The following AEBP2 variants were observed in gnomAD, a reference collection of about 807,000 sequenced individuals.
AEBP2 encodes the protein zinc finger protein AEBP2.
A neutral mutation model predicts 50.8 loss-of-function variants in AEBP2; 10 were observed. That is an observed-to-expected ratio of 0.20 (90% CI 0.12 to 0.33). The LOEUF (loss-of-function observed/expected upper bound fraction) is 0.33. Among genes scored for constraint, AEBP2 ranks in the 10% least tolerant of loss-of-function variants. The pLI is 1.00. For synonymous variants in AEBP2, 296 were observed against 261.3 expected, an observed-to-expected ratio of 1.13 and a Z score of -1.28; for missense variants, 570 against 688.0, an observed-to-expected ratio of 0.83 and a Z score of 1.92.
chr12:19,494,023 G>T lies in AEBP2; in HGVS notation c.1174+37G>T, dbSNP rs1418492910. The T allele has an allele frequency of 2.9e-6, 3 of 1,039,044 alleles. No homozygotes were observed. In the East Asian group the frequency reaches 8.0e-5, roughly 28 times the overall value. The allele number at this position is 1,039,044 out of a possible 1,614,324, so 64.4% of individuals were successfully genotyped here. ...ACTGAGAAAATCTGGTGTATTTCAT[G>T]GTTTTAAAAGATATCTTAGACTTTT... On this transcript the variant is annotated intron_variant, in intron 4 of 7. Transcript: ENST00000266508.
intron 1 of AEBP2, among the ~76,000 whole-genome samples, chr12:19,409,212 C>G (rs58515106): frequency 6.6e-6 from 1 of 152,070 alleles, no homozygotes; most frequent in Non-Finnish European, 1.5e-5. Flanking sequence ...AATCTACTTG[C>G]GTTAGTGTTG....
At chr12:19,415,316 CAAAAAAAAAAAAAAAAAA>C (rs869125193) in intron 1 of AEBP2, among the ~76,000 whole-genome samples, 39 of 59,524 alleles carry the variant, frequency 6.6e-4, no homozygotes, top group Middle Eastern at 0.016. Flanking sequence ...GACCCTGTCT[CAAAAAAAAAAAAAAAAAA>C]AAAAAAAAAA....
At chr12:19,409,285 TA>T (rs1435800773) in intron 1 of AEBP2, among the ~76,000 whole-genome samples, 1 of 151,858 alleles carries the variant, frequency 6.6e-6, no homozygotes, top group Admixed American at 6.6e-5. Flanking sequence ...ATATTAGGCA[TA>T]ACTATTCCCT....
chr12:19,447,580 G>T (rs796560598), intron 1 of AEBP2, among the ~76,000 whole-genome samples: 22 of 152,346 alleles, frequency 1.4e-4, no homozygotes, highest in African/African-American at 5.3e-4. Flanking sequence ...GAGCATGGAC[G>T]TAATCTAACT....
chr12:19,494,706 G>A (rs1193128974), intron 4 of AEBP2, among the ~76,000 whole-genome samples: 2 of 151,620 alleles, frequency 1.3e-5, no homozygotes, highest in East Asian at 3.9e-4. Context: ...GAATGTAATG[G>A]GTGTCATAGT....
At chr12:19,500,579 A>G (rs1949053576) in intron 5 of AEBP2, among the ~76,000 whole-genome samples, 1 of 152,022 alleles carries the variant, frequency 6.6e-6, no homozygotes, top group Non-Finnish European at 1.5e-5. Flanking sequence ...GACTCCTTTT[A>G]CCTCTAAAAA....
At chr12:19,435,113 T>G (rs776156898), upstream of AEBP2, among the ~76,000 whole-genome samples, 4 of 151,804 alleles carry the variant, frequency 2.6e-5, no homozygotes, top group Non-Finnish European at 5.9e-5. Flanking sequence ...TAAAATATCT[T>G]AGTACATACC....
At chr12:19,468,339 A>C (rs953572006) in intron 2 of AEBP2, among the ~76,000 whole-genome samples, 13 of 152,038 alleles carry the variant, frequency 8.6e-5, no homozygotes, top group Non-Finnish European at 1.9e-4. Context: ...CTTTTTGTGT[A>C]ATTTTACTGA....
At chr12:19,486,988 C>G (rs1473987554) in intron 3 of AEBP2, among the ~76,000 whole-genome samples, 3 of 152,084 alleles carry the variant, frequency 2.0e-5, no homozygotes, top group African/African-American at 7.2e-5. Context: ...GTAGTGGTAT[C>G]TCACTGTCGC....
intron 6 of AEBP2, among the ~76,000 whole-genome samples, chr12:19,514,191 G>A (rs1474235881): frequency 6.6e-6 from 1 of 151,770 alleles, no homozygotes; most frequent in East Asian, 1.9e-4. Context: ...GTACAGATGG[G>A]GTTTCACCAT....
intron 1 of AEBP2, among the ~76,000 whole-genome samples, chr12:19,458,547 C>G (rs914673114): frequency 2.6e-5 from 4 of 152,132 alleles, no homozygotes; most frequent in African/African-American, 7.2e-5. Flanking sequence ...AGTATTGTTT[C>G]AAGTGTGTGA....
chr12:19,417,283 C>A (rs925323766), intron 1 of AEBP2, among the ~76,000 whole-genome samples: 3 of 152,178 alleles, frequency 2.0e-5, no homozygotes, highest in Non-Finnish European at 4.4e-5. Context: ...CGCCGTACAA[C>A]TTTCTTTTCT....
At chr12:19,504,222 T>C (rs1359195967) in intron 5 of AEBP2, among the ~76,000 whole-genome samples, 1 of 151,162 alleles carries the variant, frequency 6.6e-6, no homozygotes, top group Non-Finnish European at 1.5e-5. Flanking sequence ...TCTTTCCTAT[T>C]GTGATCTAGT....
At position 19,439,680 on chromosome 12, in the gene AEBP2, G is replaced by A; in HGVS notation, c.-20G>A. On this transcript the variant is annotated 5_prime_UTR_variant, in exon 1 of 8. Transcript: ENST00000266508. ...AGGCGGCGGTGGGGAGGAGGAGGAG[G>A]AGGAGGAGCAGGCGCCGCCATGGCC... The A allele has an allele frequency of 1.3e-6, 2 of 1,517,548 alleles. No individual in the cohort carries two copies. 94.0% of individuals were successfully genotyped at this position (1,517,548 alleles called of 1,614,324 possible).
In AEBP2 at chr12:19,440,022, A is replaced by C. The variant is rs942067892; in HGVS notation, c.323A>C (p.Asp108Ala). The stretch of plus-strand genomic sequence containing the variant: ...GAGGAGGACGACGAGGAGGAGGAAG[A>C]TGAGAGCAGCAGCAGCGGCGGGGGT... ...DEEEDDEEEE[D>A]ESSSSGGGEE... The change falls in exon 1 of 8, where the codon GAT becomes GCT. Residue 108 changes from aspartate to alanine, a missense_variant. Around this residue, in one of 2 missense-constraint regions of AEBP2, gnomAD observed 386 missense variants for 336.8 expected, o/e 1.15. Coordinates refer to ENST00000266508, the MANE Select transcript of AEBP2 (RefSeq NM_153207.5). 2 of 1,525,108 alleles carry C rather than the reference A, an allele frequency of 1.3e-6. No homozygotes were observed. Among genetic ancestry groups the C allele is most frequent in the African/African-American group, 2.8e-5 (2 of 70,320 alleles). 94.5% of individuals were successfully genotyped at this position (1,525,108 alleles called of 1,614,324 possible). A position where few individuals can be genotyped will look rare whatever the true frequency, so the allele number is the denominator to read the frequency against.
chr12:19,497,328 G>GTTTTTTTTTTTTTTTT lies in AEBP2; in HGVS notation c.1175-2760_1175-2745dup, dbSNP rs34011915. Among the ~76,000 whole-genome samples, 3 of 78,710 alleles carry GTTTTTTTTTTTTTTTT rather than the reference G, an allele frequency of 3.8e-5. 1 individual carries two copies. The highest frequency in any genetic ancestry group is 1.5e-4 in the African/African-American group (3 of 19,462). The allele number at this position is 78,710 out of a possible 152,430, so 51.6% of individuals were successfully genotyped here. On this transcript the variant is annotated intron_variant, in intron 4 of 7. Coordinates refer to ENST00000266508, the MANE Select transcript of AEBP2 (RefSeq NM_153207.5). Reference sequence around the variant, plus strand: ...TTCTATTTTTGTGGTTTCCAAAGGTGTTTTTTTTTTTTTTTTTTTTTTTTG... The same window carrying GTTTTTTTTTTTTTTTT: ...TTCTATTTTTGTGGTTTCCAAAGGTGTTTTTTTTTTTTTTTTTTTTTTTTTTTTTTTTTTTTTTTTG...
intron 1 of AEBP2, among the ~76,000 whole-genome samples, chr12:19,449,030 G>T (rs1049536314): frequency 1.3e-5 from 2 of 152,026 alleles, no homozygotes; most frequent in African/African-American, 4.8e-5. Flanking sequence ...AGATGAATTG[G>T]CAATAGATTT....
intron 1 of AEBP2, among the ~76,000 whole-genome samples, chr12:19,451,562 T>G (rs868572839): frequency 1.2e-4 from 18 of 152,184 alleles, no homozygotes; most frequent in Admixed American, 4.6e-4. Context: ...AAGTCTGGCA[T>G]CATCACTTCT....
intron 1 of AEBP2, among the ~76,000 whole-genome samples, chr12:19,405,824 T>C (rs2095735935): frequency 6.6e-6 from 1 of 151,752 alleles, no homozygotes; most frequent in South Asian, 2.1e-4. Context: ...ATCTTTTTTT[T>C]TGAGATGGAG....
Sources: allele counts gnomAD v4.1 joint callset (sites outside exome capture counted in the v4.1 genomes callset), GRCh38; gene constraint gnomAD v4.1.1; regional missense constraint gnomAD v4.1.1; transcripts MANE v1.5; gene names NCBI Gene and HGNC (gene_info 2026-07-23, HGNC 2026-07-21).